XPO4: variants seen among roughly 807,000 people sequenced by gnomAD.
XPO4 encodes exportin 4, also known as exportin-4.
XPO4 carries 39 observed loss-of-function variants against 143.0 expected under a neutral mutation model. The ratio of observed to expected loss-of-function variants is 0.27; its 90% CI spans 0.21 to 0.36. The LOEUF is 0.36. XPO4 is among the 10% of genes least tolerant of loss of function. The probability of loss-of-function intolerance (pLI) is 1.00; values close to 1 mark genes in which losing one functional copy is unlikely to be tolerated. For synonymous variants in XPO4, 439 were observed against 474.0 expected (o/e 0.93, Z 0.96); for missense variants, 907 against 1,348.0 (o/e 0.67, Z 5.12).
At chr13:20,864,290 C>T (rs9509405) in intron 2 of XPO4, among the ~76,000 whole-genome samples, 52,219 of 151,872 alleles carry the variant, frequency 0.34, 10,719 homozygotes, top group Non-Finnish European at 0.47. Flanking sequence ...ATGGTACTGT[C>T]TCATAAAGGT....
At position 20,840,428 on chromosome 13, in the gene XPO4, G is replaced by C. The variant is rs779546940; in HGVS notation, c.727+2467C>G. On this transcript the variant is annotated intron_variant, in intron 6 of 22. Coordinates refer to ENST00000255305, the MANE Select transcript of XPO4 (RefSeq NM_022459.5). ...GTGCTATGCTGCCCATGCTGGTCTC[G>C]AACTCCTAGACTCAAGCAATCCTCC... is the stretch of plus-strand genomic sequence containing the variant. Among the ~76,000 whole-genome samples the C allele has an allele frequency of 6.6e-5, 10 of 151,848 alleles. No individual in the cohort carries two copies. The East Asian group carries it at 1.9e-3, about 29-fold the overall frequency.
intron 4 of XPO4, chr13:20,848,447 G>A: frequency 1.0e-6 from 1 of 985,310 alleles, no homozygotes; most frequent in South Asian, 4.7e-5. Context: ...TTGCATAATT[G>A]TCCTAAGGCT....
At chr13:20,788,726 T>A in intron 19 of XPO4, 110 bp from the exon 20 acceptor site, 1 of 1,088,338 alleles carries the variant, frequency 9.2e-7, no homozygotes, top group Non-Finnish European at 1.3e-6. Flanking sequence ...ATGATTTCTT[T>A]AAAACATGTA....
intron 4 of XPO4, chr13:20,849,170 C>T (rs1421901606): frequency 2.5e-5 from 25 of 985,200 alleles, no homozygotes; most frequent in East Asian, 1.1e-4. Flanking sequence ...TGGCTCTTAC[C>T]CCAGGAGCTT....
chr13:20,861,297 C>CCTT (rs1555340545), intron 3 of XPO4, among the ~76,000 whole-genome samples: 1 of 134,970 alleles, frequency 7.4e-6, no homozygotes, highest in Non-Finnish European at 1.5e-5. Flanking sequence ...TAGTTTTCCT[C>CCTT]TTTTTTTTTT....
At position 20,829,924 on chromosome 13, in the gene XPO4, A is replaced by G. The variant is rs566802509; in HGVS notation, c.728-2745T>C. Among the ~76,000 whole-genome samples the G allele has an allele frequency of 4.6e-5, 7 of 152,356 alleles. No individual in the cohort carries two copies. The South Asian group carries it at 8.3e-4, about 18-fold the overall frequency. On this transcript the variant is annotated intron_variant, in intron 6 of 22. Coordinates refer to ENST00000255305, the MANE Select transcript of XPO4 (RefSeq NM_022459.5). ...ATAATTCTCTCCTCTATCTTTTTAT[A>G]AATTATAAAAAGCATATACTCTATT...
intron 5 of XPO4, among the ~76,000 whole-genome samples, chr13:20,843,361 A>T (rs1261960044): frequency 1.3e-5 from 2 of 152,206 alleles, no homozygotes; most frequent in Non-Finnish European, 2.9e-5. Flanking sequence ...ATGCCTTCAC[A>T]TAACTTTACT....
chr13:20,793,787 C>T (rs566228029), intron 18 of XPO4, among the ~76,000 whole-genome samples: 1 of 152,318 alleles, frequency 6.6e-6, no homozygotes, highest in African/African-American at 2.4e-5. Flanking sequence ...CCAAAGAAGA[C>T]TCCCAGGTGA....
At chr13:20,818,192 T>A (rs898375163) in intron 9 of XPO4, among the ~76,000 whole-genome samples, 1 of 152,190 alleles carries the variant, frequency 6.6e-6, no homozygotes, top group African/African-American at 2.4e-5. Context: ...AAAAAATTCT[T>A]ATCTCCAAAA....
At chr13:20,785,903 G>A (rs868449746) in intron 22 of XPO4, among the ~76,000 whole-genome samples, 126 of 62,680 alleles carry the variant, frequency 2.0e-3, no homozygotes, top group Middle Eastern at 9.6e-3. Context: ...AAAGAAAGAG[G>A]AGGGAGGAAG....
At chr13:20,847,652 C>A (rs1442166150) in intron 4 of XPO4, among the ~76,000 whole-genome samples, 1 of 152,122 alleles carries the variant, frequency 6.6e-6, no homozygotes, top group Non-Finnish European at 1.5e-5. Context: ...TTGTCAAAGT[C>A]AGAGCTAGAT....
chr13:20,867,234 G>A (rs1323577649), intron 2 of XPO4, among the ~76,000 whole-genome samples: 2 of 152,172 alleles, frequency 1.3e-5, no homozygotes, highest in African/African-American at 2.4e-5. Context: ...TGGCTTCAGT[G>A]AGAATTTAAA....
chr13:20,888,011 C>G (rs558036857), intron 1 of XPO4, among the ~76,000 whole-genome samples: 1 of 150,948 alleles, frequency 6.6e-6, no homozygotes, highest in Non-Finnish European at 1.5e-5. Flanking sequence ...CCTGTCTCTA[C>G]GAAAAATAGA....
chr13:20,902,708 C>T lies in XPO4; in HGVS notation c.31G>A (p.Val11Met), dbSNP rs1566636647. The change falls in exon 1 of 23, where the codon GTG becomes ATG. Residue 11 changes from valine (V) to methionine (M), a missense_variant. Coordinates refer to ENST00000255305, the MANE Select transcript of XPO4 (RefSeq NM_022459.5). The part of the protein sequence containing the change: MMAAALGPPE[V>M]IAQLENAAKV... ...GCCGCGTTCTCCAGCTGAGCGATCACTTCTGGGGGCCCCAGCGCCGCCGCC... is the reference window on the plus strand; with the variant it reads ...GCCGCGTTCTCCAGCTGAGCGATCATTTCTGGGGGCCCCAGCGCCGCCGCC... The T allele has an allele frequency of 6.4e-7, 1 of 1,568,530 alleles. No homozygotes were observed. The highest frequency in any genetic ancestry group is 8.6e-7 in the Non-Finnish European group (1 of 1,156,850).
chr13:20,841,728 T>C (rs1193217154), intron 6 of XPO4, among the ~76,000 whole-genome samples: 1 of 151,870 alleles, frequency 6.6e-6, no homozygotes, highest in Non-Finnish European at 1.5e-5. Flanking sequence ...CCCACCACAC[T>C]CCTTTAAATG....
intron 5 of XPO4, 111 bp downstream of exon 5, chr13:20,843,659 T>C: frequency 1.3e-6 from 1 of 742,394 alleles, no homozygotes; most frequent in Admixed American, 2.6e-5. Flanking sequence ...AATCCTGAAG[T>C]ACAGGCTACC....
intron 1 of XPO4, among the ~76,000 whole-genome samples, chr13:20,885,590 G>A (rs867263926): frequency 2.0e-5 from 3 of 152,106 alleles, no homozygotes; most frequent in Non-Finnish European, 2.9e-5. Context: ...CCAAAATTAT[G>A]CTGTTTATAA....
Position 20,897,977 on chromosome 13 carries a change from T to A in XPO4, c.69+4693A>T, listed in dbSNP as rs1595175013. Among the ~76,000 whole-genome samples, 3 of 152,292 alleles carry A rather than the reference T, an allele frequency of 2.0e-5. No homozygotes were observed. The South Asian group carries it at 6.2e-4, about 32-fold the overall frequency. On this transcript the variant is annotated intron_variant, in intron 1 of 22. Coordinates refer to ENST00000255305, the MANE Select transcript of XPO4 (RefSeq NM_022459.5). The stretch of plus-strand genomic sequence containing the variant: ...CATGTTGGCCAGGCTGGTCTCGAAC[T>A]CCTGACCTCAGGTGATCCACCTACT...
intron 18 of XPO4, among the ~76,000 whole-genome samples, chr13:20,794,997 C>T (rs2059337047): frequency 7.4e-6 from 1 of 135,470 alleles, no homozygotes; most frequent in African/African-American, 2.6e-5. Context: ...AAAACCGTTG[C>T]CCAAGAATTT....
Sources: gnomAD v4.1 joint callset for allele counts (sites outside exome capture counted in the v4.1 genomes callset) on GRCh38, gnomAD v4.1.1 for gene constraint, MANE v1.5 for transcripts, NCBI Gene and HGNC (gene_info 2026-07-23, HGNC 2026-07-21) for gene names.